Variants in CSMD1 observed in about 807,000 individuals in gnomAD.
CSMD1 encodes the protein CUB and sushi domain-containing protein 1.
A neutral mutation model predicts 417.5 loss-of-function variants in CSMD1; 213 were observed. The ratio of observed to expected loss-of-function variants is 0.51; its 90% CI spans 0.46 to 0.57. The LOEUF is 0.57. CSMD1 is among the 20% of genes least tolerant of loss of function. The probability of loss-of-function intolerance (pLI) is 0.00; values close to 1 mark genes in which losing one functional copy is unlikely to be tolerated. For synonymous variants in CSMD1, 2,862 were observed against 1,736.8 expected (o/e 1.65, Z -16.11); for missense variants, 6,923 against 4,529.7 (o/e 1.53, Z -15.17).
chr8:4,579,900 T>A (rs1416402989), intron 2 of CSMD1, among the ~76,000 whole-genome samples: 1 of 152,210 alleles, frequency 6.6e-6, no homozygotes, highest in East Asian at 1.9e-4. Context: ...TATAAGGGTA[T>A]AATTAAGTCT....
intron 3 of CSMD1, among the ~76,000 whole-genome samples, chr8:4,346,944 T>C (rs1317879520): frequency 1.3e-5 from 2 of 152,178 alleles, no homozygotes; most frequent in Non-Finnish European, 2.9e-5. Context: ...AAAGTGAGTT[T>C]AGTTAGGTAA....
chr8:4,889,902 T>G (rs971348256), intron 1 of CSMD1, among the ~76,000 whole-genome samples: 2 of 152,096 alleles, frequency 1.3e-5, no homozygotes, highest in African/African-American at 4.8e-5. Context: ...ATTTGTCCAG[T>G]TCACAGAGCC....
chr8:4,834,944 C>A (rs6991841), intron 1 of CSMD1, among the ~76,000 whole-genome samples: 68 of 115,640 alleles, frequency 5.9e-4, no homozygotes, highest in East Asian at 1.1e-3. Flanking sequence ...GCGACAGGGC[C>A]AGACTCCATC....
intron 3 of CSMD1, among the ~76,000 whole-genome samples, chr8:4,284,210 A>T (rs1796937373): frequency 6.6e-6 from 1 of 152,096 alleles, no homozygotes; most frequent in Non-Finnish European, 1.5e-5. Context: ...TCTACTAAAA[A>T]TACAAAAATT....
In CSMD1 at chr8:4,118,993, G is replaced by A. The variant is rs186563853; in HGVS notation, c.416-86894C>T. Among the ~76,000 whole-genome samples the A allele has an allele frequency of 5.4e-4, 82 of 152,126 alleles. 2 individuals carry two copies. The highest frequency in any genetic ancestry group is 4.1e-3 in the Admixed American group (63 of 15,284). Reference sequence around the variant, plus strand: ...ATTCTCAGCAAACTAACACAAGAACGGCAAACCAAACACCACATGTTCTCA... The same window carrying A: ...ATTCTCAGCAAACTAACACAAGAACAGCAAACCAAACACCACATGTTCTCA... On this transcript the variant is annotated intron_variant, in intron 3 of 69. Transcript: ENST00000635120.
At chr8:3,899,725 G>C (rs1243659204) in intron 5 of CSMD1, among the ~76,000 whole-genome samples, 1 of 152,136 alleles carries the variant, frequency 6.6e-6, no homozygotes, top group East Asian at 1.9e-4. Flanking sequence ...CTGGTAGGCT[G>C]GCTGAGGTTA....
intron 3 of CSMD1, among the ~76,000 whole-genome samples, chr8:4,294,120 G>A (rs1797534613): frequency 1.3e-5 from 2 of 152,222 alleles, no homozygotes; most frequent in Middle Eastern, 3.4e-3. Context: ...AAGTAATGTG[G>A]CAATGACACT....
At chr8:4,592,699 T>G (rs574066587) in intron 2 of CSMD1, among the ~76,000 whole-genome samples, 2 of 152,278 alleles carry the variant, frequency 1.3e-5, no homozygotes, top group Admixed American at 6.5e-5. Context: ...TTTTCCTTAT[T>G]TTTGATGACA....
intron 7 of CSMD1, among the ~76,000 whole-genome samples, chr8:3,637,264 T>A (rs1417864095): frequency 6.6e-6 from 1 of 152,182 alleles, no homozygotes; most frequent in African/African-American, 2.4e-5. Flanking sequence ...TAAAAACAGG[T>A]TGTCTCACTT....
intron 3 of CSMD1, among the ~76,000 whole-genome samples, chr8:4,229,807 C>A (rs141898671): frequency 1.3e-5 from 2 of 152,168 alleles, no homozygotes; most frequent in East Asian, 3.9e-4. Context: ...TCCTTTTTTC[C>A]CTCACAAACG....
chr8:3,574,345 A>G (rs1297930067), intron 10 of CSMD1, among the ~76,000 whole-genome samples: 1 of 152,190 alleles, frequency 6.6e-6, no homozygotes, highest in Non-Finnish European at 1.5e-5. Context: ...GGTTCAAGCG[A>G]TTCCTGGGCC....
chr8:4,322,440 A>T (rs747430277), intron 3 of CSMD1, among the ~76,000 whole-genome samples: 1 of 152,178 alleles, frequency 6.6e-6, no homozygotes, highest in African/African-American at 2.4e-5. Context: ...ATATTCTATC[A>T]TAAGAGTAGG....
At chr8:3,732,135 A>G (rs1414472167) in intron 6 of CSMD1, among the ~76,000 whole-genome samples, 1 of 152,186 alleles carries the variant, frequency 6.6e-6, no homozygotes, top group African/African-American at 2.4e-5. Flanking sequence ...CTCCTAGCGG[A>G]AGCCACGGGC....
chr8:4,785,163 T>A (rs1797336757), intron 1 of CSMD1, among the ~76,000 whole-genome samples: 1 of 152,214 alleles, frequency 6.6e-6, no homozygotes, highest in African/African-American at 2.4e-5. Context: ...TTCCATAGCT[T>A]TGCTGAATAT....
At chr8:3,294,314 G>A (rs1450201433) in intron 25 of CSMD1, among the ~76,000 whole-genome samples, 3 of 152,170 alleles carry the variant, frequency 2.0e-5, no homozygotes, top group African/African-American at 4.8e-5. Flanking sequence ...GAGATCTCAA[G>A]CTGTGTGCTG....
chr8:4,730,483 G>C (rs1401703462), intron 1 of CSMD1, among the ~76,000 whole-genome samples: 1 of 152,192 alleles, frequency 6.6e-6, no homozygotes, highest in Non-Finnish European at 1.5e-5. Flanking sequence ...GCTCACACCT[G>C]TAATCCCAGC....
At chr8:4,352,872 C>T (rs139648102) in intron 3 of CSMD1, among the ~76,000 whole-genome samples, 3 of 152,052 alleles carry the variant, frequency 2.0e-5, no homozygotes, top group Non-Finnish European at 4.4e-5. Context: ...TTGTATTGAT[C>T]GTCAGCCATA....
chr8:4,909,932 G>A (rs960855047), intron 1 of CSMD1, among the ~76,000 whole-genome samples: 2 of 152,112 alleles, frequency 1.3e-5, no homozygotes, highest in African/African-American at 4.8e-5. Flanking sequence ...CCCTTTACAC[G>A]ACTAGCTGAA....
intron 1 of CSMD1, among the ~76,000 whole-genome samples, chr8:4,738,801 C>T (rs1810409664): frequency 6.6e-6 from 1 of 151,920 alleles, no homozygotes; most frequent in Non-Finnish European, 1.5e-5. Context: ...AAGATGGATG[C>T]CCCTGTCTGA....
Sources: allele counts gnomAD v4.1 joint callset (sites outside exome capture counted in the v4.1 genomes callset), GRCh38; gene constraint gnomAD v4.1.1; transcripts MANE v1.5; gene names NCBI Gene and HGNC (gene_info 2026-07-23, HGNC 2026-07-21).